The following PRKCE variants were observed in gnomAD, a reference collection of about 807,000 sequenced individuals.
The protein encoded by PRKCE is protein kinase C epsilon type.
In PRKCE, 16 loss-of-function variants were observed where a neutral mutation model predicts 85.4. That is an observed-to-expected ratio of 0.19 (90% confidence interval 0.13 to 0.28). The LOEUF (loss-of-function observed/expected upper bound fraction) is 0.28, where lower values mean the gene tolerates loss of function less well. PRKCE is among the 10% of genes least tolerant of loss of function. PRKCE has a pLI of 1.00. For missense variants in PRKCE, 573 were observed against 975.2 expected, an observed-to-expected ratio of 0.59 and a Z score of 5.49; for synonymous variants, 388 against 371.5, an observed-to-expected ratio of 1.04 and a Z score of -0.51.
chr2:45,867,734 T>C (rs181841366), intron 2 of PRKCE, among the ~76,000 whole-genome samples: 1 of 152,366 alleles, frequency 6.6e-6, no homozygotes, highest in African/African-American at 2.4e-5. Flanking sequence ...TTTTGGAGTG[T>C]GTGTGTGTGC....
chr2:45,675,838 T>G (rs1235725567), intron 1 of PRKCE, among the ~76,000 whole-genome samples: 2 of 151,948 alleles, frequency 1.3e-5, no homozygotes, highest in East Asian at 3.9e-4. Context: ...TGGTGAGAGG[T>G]GGCCTTCCAC....
At chr2:46,181,052 G>A (rs1038443786) in intron 14 of PRKCE, among the ~76,000 whole-genome samples, 2 of 152,214 alleles carry the variant, frequency 1.3e-5, no homozygotes, top group Admixed American at 6.5e-5. Flanking sequence ...AGGGATGACT[G>A]AGGATCAGGA....
intron 2 of PRKCE, among the ~76,000 whole-genome samples, chr2:45,903,862 G>C (rs1162168124): frequency 6.6e-6 from 1 of 150,484 alleles, no homozygotes; most frequent in African/African-American, 2.5e-5. Context: ...ATTTGTATAT[G>C]AGAGCTTGTA....
intron 1 of PRKCE, among the ~76,000 whole-genome samples, chr2:45,690,940 G>A (rs1014822775): frequency 6.6e-6 from 1 of 152,190 alleles, no homozygotes; most frequent in Admixed American, 6.5e-5. Context: ...GCAAAGTCAG[G>A]GCACTGCAAA....
At chr2:45,653,902 C>T (rs1471502799) in intron 1 of PRKCE, among the ~76,000 whole-genome samples, 1 of 152,248 alleles carries the variant, frequency 6.6e-6, no homozygotes, top group African/African-American at 2.4e-5. Flanking sequence ...CTGCTTCCTT[C>T]AGCCCCCACA....
intron 6 of PRKCE, among the ~76,000 whole-genome samples, chr2:45,999,472 C>G (rs1338457234): frequency 3.3e-5 from 5 of 149,740 alleles, no homozygotes; most frequent in African/African-American, 4.9e-5. Context: ...ATAGGTAAAA[C>G]TTTTTTTTTT....
chr2:45,678,976 G>A (rs547863929), intron 1 of PRKCE, among the ~76,000 whole-genome samples: 31 of 152,240 alleles, frequency 2.0e-4, no homozygotes, highest in African/African-American at 7.2e-4. Context: ...TCACGCAAAA[G>A]AAAGGCTTAC....
At chr2:46,167,986 C>T (rs1300259489) in intron 14 of PRKCE, 1 of 152,080 alleles carries the variant, frequency 6.6e-6, no homozygotes, top group Non-Finnish European at 1.5e-5. Flanking sequence ...CAAGTGATTT[C>T]GCCATTTTAG....
chr2:45,792,823 G>A (rs1353844196), intron 1 of PRKCE, among the ~76,000 whole-genome samples: 1 of 152,196 alleles, frequency 6.6e-6, no homozygotes, highest in Non-Finnish European at 1.5e-5. Context: ...TGTTGAGACA[G>A]AGTCTTGCTC....
intron 2 of PRKCE, among the ~76,000 whole-genome samples, chr2:45,873,254 A>G (rs1177030237): frequency 6.6e-6 from 1 of 152,228 alleles, no homozygotes; most frequent in Non-Finnish European, 1.5e-5. Context: ...TAAAGCAGGA[A>G]GACCAGAAAC....
At chr2:46,028,045 G>T in intron 10 of PRKCE, among the ~76,000 whole-genome samples, 1 of 151,964 alleles carries the variant, frequency 6.6e-6, no homozygotes, top group African/African-American at 2.4e-5. Context: ...GGGTTCACGT[G>T]ATTCTCCTGC....
At chr2:46,182,361 T>A (rs756781896) in intron 14 of PRKCE, among the ~76,000 whole-genome samples, 1 of 152,188 alleles carries the variant, frequency 6.6e-6, no homozygotes. Context: ...ATGGTCTTTG[T>A]TGTTTCCCTC....
intron 1 of PRKCE, among the ~76,000 whole-genome samples, chr2:45,675,087 C>T (rs1020629447): frequency 1.3e-5 from 2 of 152,138 alleles, no homozygotes; most frequent in African/African-American, 2.4e-5. Context: ...TGAGAGTTTC[C>T]AAGCCTGGCT....
chr2:45,826,293 G>A (rs1045367561), intron 1 of PRKCE, among the ~76,000 whole-genome samples: 1 of 152,120 alleles, frequency 6.6e-6, no homozygotes, highest in Admixed American at 6.5e-5. Flanking sequence ...ATTTTAGAAG[G>A]TTAATATAGT....
intron 14 of PRKCE, among the ~76,000 whole-genome samples, chr2:46,161,479 C>A (rs1365627292): frequency 1.3e-5 from 2 of 152,176 alleles, no homozygotes; most frequent in African/African-American, 4.8e-5. Context: ...GACTTAAACT[C>A]GAGTCTCCAG....
intron 10 of PRKCE, among the ~76,000 whole-genome samples, chr2:46,076,487 GTTTA>G (rs760348895): frequency 6.6e-5 from 10 of 152,124 alleles, no homozygotes; most frequent in Non-Finnish European, 1.0e-4. Flanking sequence ...GGCAGGAAAT[GTTTA>G]TTTGAGTTTT....
intron 2 of PRKCE, among the ~76,000 whole-genome samples, chr2:45,900,632 A>G (rs556055026): frequency 5.9e-5 from 9 of 152,216 alleles, no homozygotes; most frequent in African/African-American, 1.2e-4. Flanking sequence ...ATAGAGGACT[A>G]TTGTTCAATG....
rs935526328 is a variant in PRKCE, at chr2:45,774,812, G to A, written c.349-68188G>A. Among the ~76,000 whole-genome samples, 20 of 152,080 alleles carry A rather than the reference G, an allele frequency of 1.3e-4. No homozygotes were observed. Among genetic ancestry groups the A allele is most frequent in the African/African-American group, 4.3e-4 (18 of 41,426 alleles). ...TCCCAGGGCCAGTGCACCCTTTCCC[G>A]TGTGCCTGGGAGTCTCAGTCCTGCT... On this transcript the variant is annotated intron_variant, in intron 1 of 14. Coordinates refer to ENST00000306156, the MANE Select transcript of PRKCE (RefSeq NM_005400.3). The surrounding 1 kb of genome is among the most constrained non-coding windows in gnomAD (Gnocchi z 4.3).
intron 1 of PRKCE, among the ~76,000 whole-genome samples, chr2:45,677,396 C>T (rs1274221522): frequency 7.0e-6 from 1 of 143,036 alleles, no homozygotes; most frequent in Admixed American, 7.4e-5. Context: ...GTCGCCCAGG[C>T]CGGACTGCGG....
Sources: gnomAD v4.1 joint callset for allele counts (sites outside exome capture counted in the v4.1 genomes callset) on GRCh38, gnomAD v4.1.1 for gene constraint, Gnocchi (gnomAD v3.1) non-coding constraint, MANE v1.5 for transcripts, NCBI Gene and HGNC (gene_info 2026-07-23, HGNC 2026-07-21) for gene names.